DHTKD1: variants seen among roughly 807,000 people sequenced by gnomAD.
DHTKD1 encodes the protein 2-oxoadipate dehydrogenase complex component E1.
In DHTKD1, 78 loss-of-function variants were observed where a neutral mutation model predicts 101.8. The observed-to-expected ratio is 0.77, with a 90% confidence interval of 0.64 to 0.93. The LOEUF (loss-of-function observed/expected upper bound fraction) is 0.93, where lower values mean the gene tolerates loss of function less well. Among genes scored for constraint, DHTKD1 ranks in the 40% least tolerant of loss-of-function variants. The probability of loss-of-function intolerance (pLI) is 0.00; values close to 1 mark genes in which losing one functional copy is unlikely to be tolerated. For synonymous variants in DHTKD1, 462 were observed against 450.3 expected, an observed-to-expected ratio of 1.03 and a Z score of -0.33; for missense variants, 1,223 against 1,161.7, an observed-to-expected ratio of 1.05 and a Z score of -0.77.
At chr10:12,069,257 T>G (rs1282672795) in intron 1 of DHTKD1, 70 bp downstream of exon 1, 126 of 921,266 alleles carry the variant, frequency 1.4e-4, no homozygotes, top group South Asian at 5.1e-4. Context: ...CGATTTGCGG[T>G]GGGGTGTCGG....
chr10:12,107,075 A>G lies in DHTKD1; in HGVS notation c.2047+679A>G, dbSNP rs1446583460. Among the ~76,000 whole-genome samples the G allele has an allele frequency of 1.3e-5, 2 of 150,056 alleles. No individual in the cohort carries two copies. Among genetic ancestry groups the G allele is most frequent in the Non-Finnish European group, 3.0e-5 (2 of 67,762 alleles). On this transcript the variant is annotated intron_variant, in intron 11 of 16. Transcript: ENST00000263035. The surrounding 1 kb of genome is among the most constrained non-coding windows in gnomAD (Gnocchi z 4.1). ...TCTCGGCTCACTGCAAGCTCCGCCT[A>G]CTGGGTTTGCACGATTCTCCTGCCT...
chr10:12,120,939 G>C lies in DHTKD1; in HGVS notation c.*51G>C. 6.4e-7 allele frequency: 1 copy of C among 1,555,534 alleles called. No individual in the cohort carries two copies. The highest frequency in any genetic ancestry group is 8.8e-7 in the Non-Finnish European group (1 of 1,136,038). ...TCTCTTTAAGAAAATGGCCATTAAG[G>C]CCGGGTGGGGTGGCACATGCCTGTA... On this transcript the variant is annotated 3_prime_UTR_variant, in exon 17 of 17. Transcript: ENST00000263035.
rs147508410 is a variant in DHTKD1, at chr10:12,118,912, G to C, written c.2566G>C (p.Val856Leu). ...GCAAGAGATGAGCAAATACAAACAT[G>C]TTAAAGGTAAGAGGTTGTTCTCATT... ...LQQEMSKYKH[V>L]KDHIWSQEEP... Residue 856 changes from valine to leucine, a missense_variant, in exon 15 of 17, where the codon GTT (valine) becomes CTT (leucine). Coordinates refer to ENST00000263035, the MANE Select transcript of DHTKD1 (RefSeq NM_018706.7). 1.1e-5 allele frequency: 17 copies of C among 1,567,302 alleles called. No homozygotes were observed. In the African/African-American group the frequency reaches 1.8e-4, roughly 17 times the overall value.
chr10:12,110,392 A>G lies in DHTKD1; in HGVS notation c.2154+2377A>G, dbSNP rs1833312294. Among the ~76,000 whole-genome samples, 1 of 151,804 alleles carries G rather than the reference A, an allele frequency of 6.6e-6. No individual in the cohort carries two copies. Among genetic ancestry groups the G allele is most frequent in the Non-Finnish European group, 1.5e-5 (1 of 67,968 alleles). The stretch of plus-strand genomic sequence containing the variant: ...TACCTTATTAGCCATTGTTAGTGTT[A>G]GTGTATTTTATGTGTGGCACAAGAC... On this transcript the variant is annotated intron_variant, in intron 12 of 16. Coordinates refer to ENST00000263035, the MANE Select transcript of DHTKD1 (RefSeq NM_018706.7). This position sits in a 1 kb window ranked among gnomAD's most constrained non-coding sequence, Gnocchi z 4.9.
intron 7 of DHTKD1, among the ~76,000 whole-genome samples, chr10:12,097,293 A>G (rs970265444): frequency 2.0e-5 from 3 of 151,766 alleles, no homozygotes; most frequent in Non-Finnish European, 4.4e-5. Context: ...GGTTTTTGAG[A>G]CGGAGTTTCA....
At chr10:12,071,031 T>C (rs1431511086) in intron 1 of DHTKD1, among the ~76,000 whole-genome samples, 1 of 152,210 alleles carries the variant, frequency 6.6e-6, no homozygotes, top group Non-Finnish European at 1.5e-5. Context: ...TAGGTGGAAA[T>C]ACCTGTGTCC....
chr10:12,116,365 T>A (rs1381308141), intron 13 of DHTKD1: 1 of 152,196 alleles, frequency 6.6e-6, no homozygotes, highest in Non-Finnish European at 1.5e-5. Context: ...GTATATGTGC[T>A]GCCAAAATGA....
chr10:12,117,399 C>G (rs967096779), intron 13 of DHTKD1, among the ~76,000 whole-genome samples: 2 of 143,730 alleles, frequency 1.4e-5, no homozygotes, highest in Admixed American at 1.5e-4. Context: ...GTTGCCCAGG[C>G]GGGTCTTGAA....
intron 10 of DHTKD1, among the ~76,000 whole-genome samples, chr10:12,102,434 A>AAG (rs1455461150): frequency 6.6e-6 from 1 of 151,634 alleles, no homozygotes; most frequent in African/African-American, 2.4e-5. Flanking sequence ...AAAAAAAAAA[A>AAG]AAAAAAAGAA....
Position 12,107,013 on chromosome 10 carries a change from C to A in DHTKD1, c.2047+617C>A, listed in dbSNP as rs1434626561. Among the ~76,000 whole-genome samples, 4 of 148,706 alleles carry A rather than the reference C, an allele frequency of 2.7e-5. No individual in the cohort carries two copies. The highest frequency in any genetic ancestry group is 5.9e-5 in the Non-Finnish European group (4 of 67,420). ...TTTTTTTTTTTTTTTGAGACGGAGTCTCGCTCTGTCACCCAGGCTGGAGTG... is the reference window on the plus strand; with the variant it reads ...TTTTTTTTTTTTTTTGAGACGGAGTATCGCTCTGTCACCCAGGCTGGAGTG... On this transcript the variant is annotated intron_variant, in intron 11 of 16. Coordinates refer to ENST00000263035, the MANE Select transcript of DHTKD1 (RefSeq NM_018706.7). The surrounding 1 kb of genome is among the most constrained non-coding windows in gnomAD (Gnocchi z 4.1).
chr10:12,082,982 A>G (rs1440139329), intron 2 of DHTKD1, among the ~76,000 whole-genome samples: 2 of 152,058 alleles, frequency 1.3e-5, no homozygotes, highest in Non-Finnish European at 2.9e-5. Context: ...TAAAAAAAAT[A>G]ACAAAAAAAT....
chr10:12,120,085 G>A (rs1408090652), intron 15 of DHTKD1, 97 bp from the exon 16 acceptor site: 3 of 893,364 alleles, frequency 3.4e-6, no homozygotes, highest in Admixed American at 2.0e-5. Flanking sequence ...TCACACCATC[G>A]TAAAGTTGAA....
At chr10:12,099,162 C>T (rs1833118216) in intron 8 of DHTKD1, among the ~76,000 whole-genome samples, 1 of 151,284 alleles carries the variant, frequency 6.6e-6, no homozygotes, top group African/African-American at 2.4e-5. Flanking sequence ...AGAATAAGAT[C>T]CTGTTTCTCC....
In DHTKD1 at chr10:12,096,448, T is replaced by C. The variant is rs1017344076; in HGVS notation, c.1359-1236T>C. Among the ~76,000 whole-genome samples the C allele has an allele frequency of 2.0e-5, 3 of 152,162 alleles. No homozygotes were observed. In the East Asian group the frequency reaches 5.8e-4, roughly 29 times the overall value. The stretch of plus-strand genomic sequence containing the variant: ...TCGCCCAGGCTGTAGTGCAGTGGTA[T>C]GATCACGGCTCACTGTAGCCTCGAC... On this transcript the variant is annotated intron_variant, in intron 7 of 16. Transcript: ENST00000263035.
intron 12 of DHTKD1, among the ~76,000 whole-genome samples, chr10:12,109,045 G>A (rs1833289467): frequency 6.6e-6 from 1 of 151,920 alleles, no homozygotes; most frequent in Middle Eastern, 3.2e-3. Flanking sequence ...CAAGCTACTC[G>A]GGAGCCTGAG....
Position 12,081,526 on chromosome 10 carries a change from C to A in DHTKD1, c.209C>A (p.Ala70Asp), listed in dbSNP as rs34644609. 6.2e-7 allele frequency: 1 copy of A among 1,613,938 alleles called. No individual in the cohort carries two copies. Among genetic ancestry groups the A allele is most frequent in the African/African-American group, 1.3e-5 (1 of 74,918 alleles). ...VTVYCEHGHK[A>D]AKINPLFTGQ... ...GTATATTGTGAGCATGGTCATAAAG[C>A]TGCCAAAATCAACCCCCTCTTCACC... The change falls in exon 2 of 17, where the codon GCT (alanine) becomes GAT (aspartate). Residue 70 changes from alanine to aspartate, a missense_variant. Coordinates refer to ENST00000263035, the MANE Select transcript of DHTKD1 (RefSeq NM_018706.7).
chr10:12,100,287 G>GTTTTTTTTTTTTTTTTTTTAT (rs57815181), intron 9 of DHTKD1, 25 bp downstream of exon 9: 1 of 248,604 alleles, frequency 4.0e-6, no homozygotes, highest in Non-Finnish European at 6.7e-6. Flanking sequence ...TTTTTTTTCT[G>GTTTTTTTTTTTTTTTTTTTAT]TTTTTTTTTT....
chr10:12,084,305 AT>A (rs201178846), intron 2 of DHTKD1, among the ~76,000 whole-genome samples: 20,248 of 118,334 alleles, frequency 0.17, 1,430 homozygotes, highest in East Asian at 0.25. Context: ...TTGCCACATG[AT>A]TTTTTTTTTT....
chr10:12,069,302 C>A, intron 1 of DHTKD1, 115 bp downstream of exon 1: 1 of 733,766 alleles, frequency 1.4e-6, no homozygotes, highest in South Asian at 1.8e-5. Flanking sequence ...GAACGCGCGG[C>A]CGGTGGGGAG....
Sources: gnomAD v4.1 joint callset for allele counts (sites outside exome capture counted in the v4.1 genomes callset) on GRCh38, gnomAD v4.1.1 for gene constraint, Gnocchi (gnomAD v3.1) non-coding constraint, MANE v1.5 for transcripts, NCBI Gene and HGNC (gene_info 2026-07-23, HGNC 2026-07-21) for gene names.